PFKFB4: variants seen among roughly 807,000 people sequenced by gnomAD.
PFKFB4 encodes 6-phosphofructo-2-kinase/fructose-2,6-bisphosphatase 4.
Under a neutral mutation model 62.8 loss-of-function variants are expected in PFKFB4, and 42 were observed. That is an observed-to-expected ratio of 0.67 (90% CI 0.52 to 0.86). The LOEUF (loss-of-function observed/expected upper bound fraction) is 0.86, where lower values mean the gene tolerates loss of function less well. Ranked by LOEUF, PFKFB4 falls within the 40% of genes least tolerant of loss-of-function variation. PFKFB4 has a pLI of 0.00. For missense variants in PFKFB4, 475 were observed against 627.2 expected (o/e 0.76, Z 2.59); for synonymous variants, 204 against 240.7 (o/e 0.85, Z 1.41).
rs1575344623 is a variant in PFKFB4, at chr3:48,518,131, A to T, written c.*1616T>A. On this transcript the variant is annotated 3_prime_UTR_variant, in exon 14 of 14. Coordinates refer to ENST00000232375, the MANE Select transcript of PFKFB4 (RefSeq NM_004567.4). Reference sequence around the variant, plus strand: ...CAAAATACACAGAAGCAAAGGCTGCAGTCCTAATGTCCCAAAGGCATGGTC... The same window carrying T: ...CAAAATACACAGAAGCAAAGGCTGCTGTCCTAATGTCCCAAAGGCATGGTC... 1 of 152,450 alleles carries T rather than the reference A, an allele frequency of 6.6e-6. No individual in the cohort carries two copies. Among genetic ancestry groups the T allele is most frequent in the East Asian group, 1.9e-4 (1 of 5,190 alleles). The allele number at this position is 152,450 out of a possible 1,614,324, so 9.4% of individuals were successfully genotyped here.
At position 48,536,330 on chromosome 3, in the gene PFKFB4, G is replaced by A. The variant is rs371118487; in HGVS notation, c.766C>T (p.Arg256Trp). 1.3e-5 allele frequency: 21 copies of A among 1,614,086 alleles called. No individual in the cohort carries two copies. Among genetic ancestry groups the A allele is most frequent in the East Asian group, 6.7e-5 (3 of 44,888 alleles). ...HVTPRSIYLC[R>W]HGESELNLKG... ...AGGTTGAGCTCGCTCTCCCCGTGCCGGCAGAGGTAGATGGAGCGGGGGGTC... is the reference window on the plus strand; with the variant it reads ...AGGTTGAGCTCGCTCTCCCCGTGCCAGCAGAGGTAGATGGAGCGGGGGGTC... Residue 256 changes from arginine (R) to tryptophan (W), a missense_variant, in exon 8 of 14, where the codon CGG becomes TGG. By Grantham distance (101) the Arg-to-Trp change is moderately radical (BLOSUM62 -3). Transcript: ENST00000232375.
In PFKFB4 at chr3:48,519,679, G is replaced by T. The variant is rs1188302674; in HGVS notation, c.*68C>A. The T allele has an allele frequency of 1.7e-6, 2 of 1,155,654 alleles. No individual in the cohort carries two copies. The highest frequency in any genetic ancestry group is 3.0e-5 in the African/African-American group (2 of 65,956). 71.6% of individuals were successfully genotyped at this position (1,155,654 alleles called of 1,614,324 possible). Reference sequence around the variant, plus strand: ...TGGCATGGTGACTATCACACACACTGGAGGGCCTGGAATGACCCCCTCTGC... The same window carrying T: ...TGGCATGGTGACTATCACACACACTTGAGGGCCTGGAATGACCCCCTCTGC... On this transcript the variant is annotated 3_prime_UTR_variant, in exon 14 of 14. Coordinates refer to ENST00000232375, the MANE Select transcript of PFKFB4 (RefSeq NM_004567.4).
At position 48,556,068 on chromosome 3, in the gene PFKFB4, C is replaced by A. The variant is rs557717149; in HGVS notation, c.97+613G>T. 4.7e-4 allele frequency: 213 copies of A among 456,696 alleles called. No homozygotes were observed. Among genetic ancestry groups the A allele is most frequent in the African/African-American group, 3.5e-3 (175 of 50,204 alleles). 28.3% of individuals were successfully genotyped at this position (456,696 alleles called of 1,614,324 possible). On this transcript the variant is annotated intron_variant, in intron 1 of 13. Coordinates refer to ENST00000232375, the MANE Select transcript of PFKFB4 (RefSeq NM_004567.4). The surrounding 1 kb of genome is among the most constrained non-coding windows in gnomAD (Gnocchi z 5.7). Reference sequence around the variant, plus strand: ...CTCCAGTTTTACTGTACACCCATGACCCCAGGTGGATACTTACATGTCCCG... The same window carrying A: ...CTCCAGTTTTACTGTACACCCATGAACCCAGGTGGATACTTACATGTCCCG...
upstream of PFKFB4, chr3:48,559,411 A>G: frequency 2.4e-6 from 1 of 416,216 alleles, no homozygotes; most frequent in Non-Finnish European, 5.0e-6. Context: ...CAAGATCACA[A>G]AGCGAGTCCA....
At chr3:48,547,477 C>T (rs2043000954) in intron 3 of PFKFB4, among the ~76,000 whole-genome samples, 1 of 152,018 alleles carries the variant, frequency 6.6e-6, no homozygotes, top group South Asian at 2.1e-4. Context: ...TATGCCCTTG[C>T]ATACACTTTG....
Position 48,519,704 on chromosome 3 carries a change from C to G in PFKFB4, c.*43G>C. 4.1e-6 allele frequency: 6 copies of G among 1,472,548 alleles called. No homozygotes were observed. Among genetic ancestry groups the G allele is most frequent in the Non-Finnish European group, 5.7e-6 (6 of 1,052,520 alleles). 91.2% of individuals were successfully genotyped at this position (1,472,548 alleles called of 1,614,324 possible). On this transcript the variant is annotated 3_prime_UTR_variant, in exon 14 of 14. Coordinates refer to ENST00000232375, the MANE Select transcript of PFKFB4 (RefSeq NM_004567.4). ...GGAGGGCCTGGAATGACCCCCTCTGCAGAGAGCAGTGCCTGCCTAGTGGTC... is the reference window on the plus strand; with the variant it reads ...GGAGGGCCTGGAATGACCCCCTCTGGAGAGAGCAGTGCCTGCCTAGTGGTC...
At chr3:48,549,798 G>C in intron 3 of PFKFB4, 66 bp downstream of exon 3, 3 of 959,760 alleles carry the variant, frequency 3.1e-6, no homozygotes, top group Non-Finnish European at 5.1e-6. Context: ...GGTCAGTAAT[G>C]TGTTAGCTTT....
intron 1 of PFKFB4, among the ~76,000 whole-genome samples, chr3:48,555,283 C>T (rs906001140): frequency 5.9e-5 from 9 of 152,174 alleles, no homozygotes; most frequent in East Asian, 3.8e-4. Context: ...TGAGTTACCA[C>T]GACTTGGTCT....
At chr3:48,522,143 G>A (rs1299074804) in intron 12 of PFKFB4, 93 bp from the exon 13 acceptor site, 3 of 1,106,268 alleles carry the variant, frequency 2.7e-6, no homozygotes, top group Admixed American at 1.8e-5. Flanking sequence ...GTCTGGGCGT[G>A]TGGAATGGAG....
upstream of PFKFB4, chr3:48,557,051 T>A (rs2043346492): frequency 4.6e-6 from 5 of 1,081,274 alleles, no homozygotes; most frequent in Non-Finnish European, 6.1e-6. Flanking sequence ...CATGCTCAAC[T>A]CCGGATTGTA....
chr3:48,548,906 G>A (rs1226780758), intron 3 of PFKFB4, among the ~76,000 whole-genome samples: 1 of 152,148 alleles, frequency 6.6e-6, no homozygotes, highest in African/African-American at 2.4e-5. Context: ...CCACAGCAGG[G>A]AGTTCCTGCC....
chr3:48,522,298 C>A (rs1461690704), intron 12 of PFKFB4, among the ~76,000 whole-genome samples: 3 of 152,204 alleles, frequency 2.0e-5, no homozygotes, highest in Non-Finnish European at 4.4e-5. Context: ...CTCCCCAACC[C>A]CAGGACCGAG....
At chr3:48,534,601 G>A (rs141132537) in intron 9 of PFKFB4, among the ~76,000 whole-genome samples, 4 of 150,802 alleles carry the variant, frequency 2.7e-5, no homozygotes, top group African/African-American at 7.3e-5. Context: ...AGCCCAGGAA[G>A]TTGAGGCTAC....
chr3:48,520,632 A>G (rs969455266), intron 13 of PFKFB4, among the ~76,000 whole-genome samples: 1 of 152,226 alleles, frequency 6.6e-6, no homozygotes, highest in Admixed American at 6.5e-5. Flanking sequence ...AGGGGCAGGT[A>G]TAATTCTTAC....
rs570026116 is a variant in PFKFB4 at position 48,543,518 on chromosome 3, G to A, written c.378+62C>T. On this transcript the variant is annotated intron_variant, in intron 4 of 13. Coordinates refer to ENST00000232375, the MANE Select transcript of PFKFB4 (RefSeq NM_004567.4). Reference sequence around the variant, plus strand: ...CCCCTCCAGATGCCTGACGAGCAAAGGCACAGATGTGGATGGGCTCCCATG... The same window carrying A: ...CCCCTCCAGATGCCTGACGAGCAAAAGCACAGATGTGGATGGGCTCCCATG... 17 of 1,455,256 alleles carry A rather than the reference G, an allele frequency of 1.2e-5. No homozygotes were observed. In the East Asian group the frequency reaches 3.8e-4, roughly 33 times the overall value. 90.1% of individuals were successfully genotyped at this position (1,455,256 alleles called of 1,614,324 possible). A position where few individuals can be genotyped will look rare whatever the true frequency, so the allele number is the denominator to read the frequency against.
At chr3:48,551,250 C>G (rs1287746164) in intron 1 of PFKFB4, among the ~76,000 whole-genome samples, 20 of 145,868 alleles carry the variant, frequency 1.4e-4, no homozygotes, top group Admixed American at 9.0e-4. Context: ...GAGTCTCACT[C>G]TGTTGCCCAG....
upstream of PFKFB4, chr3:48,561,243 G>A: frequency 5.4e-6 from 2 of 372,480 alleles, no homozygotes; most frequent in Non-Finnish European, 9.3e-6. The surrounding 1 kb of genome is among the most constrained non-coding windows in gnomAD (Gnocchi z 5.2). Flanking sequence ...GCCCACTGTA[G>A]GCCCGCCCCC....
intron 6 of PFKFB4, 148 bp from the exon 7 acceptor site, chr3:48,538,767 G>T: frequency 2.1e-6 from 2 of 932,714 alleles, no homozygotes; most frequent in Non-Finnish European, 1.6e-6. Flanking sequence ...GGTGGGGGCT[G>T]GTCCAGCAGC....
At chr3:48,535,103 C>A (rs1339632353) in intron 9 of PFKFB4, among the ~76,000 whole-genome samples, 1 of 152,218 alleles carries the variant, frequency 6.6e-6, no homozygotes, top group African/African-American at 2.4e-5. Context: ...GCCACCGCAC[C>A]TGGCGAGAAC....
Sources: gnomAD v4.1 joint callset for allele counts (sites outside exome capture counted in the v4.1 genomes callset) on GRCh38, gnomAD v4.1.1 for gene constraint, Gnocchi (gnomAD v3.1) non-coding constraint, MANE v1.5 for transcripts, NCBI Gene and HGNC (gene_info 2026-07-23, HGNC 2026-07-21) for gene names.